RALGPS1: variants seen among roughly 807,000 people sequenced by gnomAD.
The protein encoded by RALGPS1 is ras-specific guanine nucleotide-releasing factor RalGPS1.
RALGPS1 carries 19 observed loss-of-function variants against 78.8 expected under a neutral mutation model. The observed-to-expected ratio is 0.24, with a 90% CI of 0.17 to 0.35. The LOEUF (loss-of-function observed/expected upper bound fraction) is 0.35. Ranked by LOEUF, RALGPS1 falls within the 10% of genes least tolerant of loss-of-function variation. The pLI is 1.00. For missense variants in RALGPS1, 454 were observed against 688.3 expected (o/e 0.66, Z 3.81); for synonymous variants, 228 against 256.3 (o/e 0.89, Z 1.06).
At position 127,103,294 on chromosome 9, in the gene RALGPS1, C is replaced by T. The variant is rs1371715484; in HGVS notation, c.610+33938C>T. ...CTCTTGTTCAAGTTGTCCATGCCAT[C>T]CTGGCCATAGCCCAATAGCCCATCT... On this transcript the variant is annotated intron_variant, in intron 8 of 18. Transcript: ENST00000259351. 2.6e-5 allele frequency among the ~76,000 whole-genome samples: 4 copies of T among 152,224 alleles called. No individual in the cohort carries two copies. The East Asian group carries it at 5.8e-4, about 22-fold the overall frequency.
At chr9:127,210,817 G>A (rs2062208406) in intron 14 of RALGPS1, 1 of 1,488,006 alleles carries the variant, frequency 6.7e-7, no homozygotes, top group Non-Finnish European at 9.2e-7. Flanking sequence ...TTGACACATA[G>A]CTTGTTATGT....
intron 3 of RALGPS1, among the ~76,000 whole-genome samples, chr9:126,970,509 TA>T (rs983962085): frequency 6.6e-6 from 1 of 152,166 alleles, no homozygotes; most frequent in African/African-American, 2.4e-5. Flanking sequence ...ACCAGGCAAC[TA>T]GGGGGTCCCT....
At chr9:126,993,879 C>T (rs1193219571) in intron 4 of RALGPS1, among the ~76,000 whole-genome samples, 1 of 152,220 alleles carries the variant, frequency 6.6e-6, no homozygotes, top group Non-Finnish European at 1.5e-5. Context: ...CCAGTATCTG[C>T]TGTTCTGCAG....
chr9:126,930,056 T>G (rs1461630240), intron 1 of RALGPS1, among the ~76,000 whole-genome samples: 2 of 152,140 alleles, frequency 1.3e-5, no homozygotes, highest in Non-Finnish European at 2.9e-5. Context: ...AGTGTTGAAC[T>G]CCTGGCCTCA....
chr9:127,173,257 C>A (rs959436594), intron 10 of RALGPS1, among the ~76,000 whole-genome samples: 10 of 152,182 alleles, frequency 6.6e-5, no homozygotes, highest in Admixed American at 2.0e-4. Context: ...CCCCGTGGAG[C>A]CTTCATTTCC....
chr9:127,140,399 A>G (rs997571990), intron 8 of RALGPS1, among the ~76,000 whole-genome samples: 2 of 152,238 alleles, frequency 1.3e-5, no homozygotes, highest in African/African-American at 4.8e-5. Context: ...CCAGGGGCCA[A>G]CAGCCCCTGT....
intron 11 of RALGPS1, among the ~76,000 whole-genome samples, chr9:127,194,070 C>G (rs1409041027): frequency 6.6e-6 from 1 of 152,228 alleles, no homozygotes; most frequent in Non-Finnish European, 1.5e-5. Context: ...CTCCCTGGCT[C>G]TGGTGACCTG....
intron 1 of RALGPS1, among the ~76,000 whole-genome samples, chr9:126,960,203 C>CCCTT (rs2038758182): frequency 5.3e-5 from 3 of 56,648 alleles, no homozygotes; most frequent in African/African-American, 1.7e-4. Flanking sequence ...TTCCTTCCCT[C>CCCTT]CCTCCCTCCC....
At chr9:127,161,661 C>T (rs1293800824) in intron 8 of RALGPS1, among the ~76,000 whole-genome samples, 2 of 152,146 alleles carry the variant, frequency 1.3e-5, no homozygotes, top group African/African-American at 4.8e-5. Flanking sequence ...AGTCATGAGC[C>T]CTTTTGGAGA....
chr9:127,116,723 G>A (rs966911408), intron 8 of RALGPS1, among the ~76,000 whole-genome samples: 11 of 152,242 alleles, frequency 7.2e-5, no homozygotes, highest in African/African-American at 2.4e-4. Flanking sequence ...CACCTTGGCT[G>A]TTTGGATGGA....
chr9:127,051,078 C>G (rs751044711), intron 6 of RALGPS1, among the ~76,000 whole-genome samples: 1 of 152,204 alleles, frequency 6.6e-6, no homozygotes, highest in South Asian at 2.1e-4. Flanking sequence ...AGGGAAGCTG[C>G]TCTACTGGCC....
chr9:127,025,034 C>A (rs867519329), intron 4 of RALGPS1, among the ~76,000 whole-genome samples: 34 of 152,192 alleles, frequency 2.2e-4, no homozygotes, highest in Admixed American at 2.6e-4. Flanking sequence ...CCCAAAAGTT[C>A]TGTGTGCCCC....
chr9:127,218,882 G>A lies in RALGPS1; in HGVS notation c.*113G>A. On this transcript the variant is annotated 3_prime_UTR_variant, in exon 19 of 19. Transcript: ENST00000259351. The surrounding 1 kb of genome is among the most constrained non-coding windows in gnomAD (Gnocchi z 4.4). ...GAGCCAGGGTGCTGGGAAACTCACA[G>A]CTGGACTCAGGGGACACGGCCTGTG... The A allele has an allele frequency of 8.0e-7, 1 of 1,256,484 alleles. No homozygotes were observed. The highest frequency in any genetic ancestry group is 1.2e-6 in the Non-Finnish European group (1 of 857,816). 77.8% of individuals were successfully genotyped at this position (1,256,484 alleles called of 1,614,324 possible).
Position 127,195,134 on chromosome 9 carries a change from C to A in RALGPS1, c.954C>A (p.Pro318=). Residue 318 remains proline (P), a synonymous_variant, in exon 12 of 19, where the codon CCC becomes CCA. Transcript: ENST00000259351. ...GSGSARFSRR[P]TCPDTSVAGS... is the part of the protein sequence containing the mutation. ...GTTCTGCGAGGTTCAGCCGGAGGCCCACCTGTCCTGACACATCTGTTGCTG... is the reference window on the plus strand; with the variant it reads ...GTTCTGCGAGGTTCAGCCGGAGGCCAACCTGTCCTGACACATCTGTTGCTG... 6.2e-7 allele frequency: 1 copy of A among 1,613,488 alleles called. No homozygotes were observed. Among genetic ancestry groups the A allele is most frequent in the Middle Eastern group, 1.6e-4 (1 of 6,062 alleles).
At chr9:127,074,306 C>T (rs942680917) in intron 8 of RALGPS1, among the ~76,000 whole-genome samples, 4 of 152,222 alleles carry the variant, frequency 2.6e-5, no homozygotes, top group African/African-American at 9.6e-5. Flanking sequence ...TTTGTTTCAC[C>T]TTATGCCATA....
At chr9:126,957,019 T>C (rs73587395) in intron 1 of RALGPS1, among the ~76,000 whole-genome samples, 2,848 of 152,322 alleles carry the variant, frequency 0.019, 98 homozygotes, top group African/African-American at 0.065. Flanking sequence ...TCACAGCAAG[T>C]CACATTACCT....
At chr9:127,175,284 C>T (rs150074985) in intron 11 of RALGPS1, among the ~76,000 whole-genome samples, 6 of 152,318 alleles carry the variant, frequency 3.9e-5, no homozygotes, top group East Asian at 1.9e-4. Flanking sequence ...GCCCGAGCTC[C>T]GCTGTTTCCT....
At position 127,177,860 on chromosome 9, in the gene RALGPS1, T is replaced by G. The variant is rs374255825; in HGVS notation, c.910+3078T>G. 9.7e-4 allele frequency: 1,504 copies of G among 1,548,018 alleles called. 21 individuals carry two copies. The South Asian group carries it at 0.017, about 17-fold the overall frequency. On this transcript the variant is annotated intron_variant, in intron 11 of 18. Coordinates refer to ENST00000259351, the MANE Select transcript of RALGPS1 (RefSeq NM_014636.3). ...TCAGGTACAGCCTCCTTTCCCACAA[T>G]CCACCCACACCTCTACTTGGCTCTG...
At chr9:127,087,399 G>A (rs1412124696) in intron 8 of RALGPS1, 1 of 152,462 alleles carries the variant, frequency 6.6e-6, no homozygotes, top group African/African-American at 2.4e-5. Context: ...GATAATCTGG[G>A]AATATATTTT....
Sources: allele counts gnomAD v4.1 joint callset (sites outside exome capture counted in the v4.1 genomes callset), GRCh38; gene constraint gnomAD v4.1.1; non-coding constraint Gnocchi (gnomAD v3.1); transcripts MANE v1.5; gene names NCBI Gene and HGNC (gene_info 2026-07-23, HGNC 2026-07-21).